The following IQGAP2 variants were observed in gnomAD, a reference collection of about 807,000 sequenced individuals.
IQGAP2 encodes ras GTPase-activating-like protein IQGAP2.
Under a neutral mutation model 201.3 loss-of-function variants are expected in IQGAP2, and 173 were observed. The ratio of observed to expected loss-of-function variants is 0.86; its 90% confidence interval spans 0.76 to 0.98. The LOEUF (loss-of-function observed/expected upper bound fraction) is 0.98. IQGAP2 is among the 50% of genes least tolerant of loss of function. IQGAP2 has a pLI of 0.00. For synonymous variants in IQGAP2, 675 were observed against 673.9 expected (o/e 1.00, Z -0.03); for missense variants, 1,687 against 1,864.8 (o/e 0.90, Z 1.76).
chr5:76,566,892 A>G (rs1744789322), intron 3 of IQGAP2, among the ~76,000 whole-genome samples: 1 of 151,858 alleles, frequency 6.6e-6, no homozygotes, highest in African/African-American at 2.4e-5. Context: ...AAGGGCCAGG[A>G]AGGTTTCCAT....
chr5:76,631,804 C>T, intron 14 of IQGAP2, 55 bp from the exon 15 acceptor site: 1 of 1,324,212 alleles, frequency 7.6e-7, no homozygotes. Flanking sequence ...ATTTGCATGC[C>T]TTGAAGTAAG....
At chr5:76,438,660 C>T (rs1206837400) in intron 1 of IQGAP2, among the ~76,000 whole-genome samples, 1 of 152,040 alleles carries the variant, frequency 6.6e-6, no homozygotes, top group Admixed American at 6.6e-5. Context: ...CCAGGATGGT[C>T]TCAAACTCCT....
At chr5:76,607,780 T>C (rs1747927597) in intron 12 of IQGAP2, 1 of 152,298 alleles carries the variant, frequency 6.6e-6, no homozygotes, top group Non-Finnish European at 1.5e-5. Context: ...TCCGTCTTAA[T>C]GCTCTGAATC....
chr5:76,705,981 G>A (rs1001786888), intron 35 of IQGAP2, among the ~76,000 whole-genome samples: 3 of 152,188 alleles, frequency 2.0e-5, no homozygotes, highest in African/African-American at 7.2e-5. Flanking sequence ...TTTATATGCT[G>A]GCAGTGAAAA....
chr5:76,497,886 T>C (rs928105532), intron 2 of IQGAP2, among the ~76,000 whole-genome samples: 2 of 152,226 alleles, frequency 1.3e-5, no homozygotes, highest in Non-Finnish European at 2.9e-5. Context: ...TTTTCTGCTG[T>C]ACACAGGTGT....
At chr5:76,688,215 A>G (rs551378118) in intron 30 of IQGAP2, among the ~76,000 whole-genome samples, 3 of 152,338 alleles carry the variant, frequency 2.0e-5, no homozygotes, top group African/African-American at 7.2e-5. Context: ...ATGCAGAGCA[A>G]TTGGGATGTG....
intron 13 of IQGAP2, among the ~76,000 whole-genome samples, chr5:76,624,893 G>C (rs1750077907): frequency 6.6e-6 from 1 of 152,226 alleles, no homozygotes; most frequent in Middle Eastern, 3.4e-3. Flanking sequence ...GACCAACATG[G>C]TGAAACCCCA....
At chr5:76,679,713 T>A (rs1745119501) in intron 28 of IQGAP2, among the ~76,000 whole-genome samples, 1 of 152,252 alleles carries the variant, frequency 6.6e-6, no homozygotes, top group African/African-American at 2.4e-5. Context: ...TATTTTGTTC[T>A]TGTCTCTTAA....
rs144372736 is a variant in IQGAP2, at chr5:76,539,996, A to G, written c.147-22400A>G. 4.6e-5 allele frequency among the ~76,000 whole-genome samples: 7 copies of G among 152,308 alleles called. No homozygotes were observed. In the East Asian group the frequency reaches 1.2e-3, roughly 25 times the overall value. On this transcript the variant is annotated intron_variant, in intron 2 of 35. Coordinates refer to ENST00000274364, the MANE Select transcript of IQGAP2 (RefSeq NM_006633.5). ...GTCGGATTTGATCAGTAGGCTTAAAATGTATTTCACCTTGGAAAGGTATGG... is the reference window on the plus strand; with the variant it reads ...GTCGGATTTGATCAGTAGGCTTAAAGTGTATTTCACCTTGGAAAGGTATGG...
At chr5:76,462,597 C>T (rs1754525465) in intron 2 of IQGAP2, among the ~76,000 whole-genome samples, 1 of 151,986 alleles carries the variant, frequency 6.6e-6, no homozygotes, top group Non-Finnish European at 1.5e-5. Context: ...AGTATTGTTC[C>T]CTGGACAAAG....
intron 2 of IQGAP2, among the ~76,000 whole-genome samples, chr5:76,473,783 T>A (rs1755257641): frequency 1.3e-5 from 2 of 152,270 alleles, no homozygotes; most frequent in Admixed American, 1.3e-4. Context: ...TTTGCCACTA[T>A]TATGACTGGT....
chr5:76,573,849 C>A (rs1250038102), intron 4 of IQGAP2, among the ~76,000 whole-genome samples: 1 of 151,318 alleles, frequency 6.6e-6, no homozygotes, highest in Non-Finnish European at 1.5e-5. Flanking sequence ...GTCTTGAACT[C>A]CTGACCTCAC....
At chr5:76,665,644 G>C (rs1470768698) in intron 22 of IQGAP2, among the ~76,000 whole-genome samples, 4 of 152,222 alleles carry the variant, frequency 2.6e-5, no homozygotes, top group Non-Finnish European at 5.9e-5. Context: ...GGAAGAGCCA[G>C]AGGGTTTGGG....
At chr5:76,654,912 G>A (rs764026217) in intron 19 of IQGAP2, 22 bp from the exon 20 acceptor site, 15 of 1,563,332 alleles carry the variant, frequency 9.6e-6, no homozygotes, top group Non-Finnish European at 1.1e-5. Flanking sequence ...GGGAGATCAA[G>A]ACTTGTCTTA....
chr5:76,468,453 A>G (rs190130337), intron 2 of IQGAP2, among the ~76,000 whole-genome samples: 3 of 152,160 alleles, frequency 2.0e-5, no homozygotes, highest in Admixed American at 2.0e-4. Flanking sequence ...CTCTCTGTAT[A>G]TGTGTATCAT....
intron 12 of IQGAP2, chr5:76,609,065 A>G: frequency 3.9e-6 from 6 of 1,519,280 alleles, no homozygotes; most frequent in Non-Finnish European, 5.3e-6. Context: ...GTAATCTTTC[A>G]GCTCCTATGA....
intron 2 of IQGAP2, among the ~76,000 whole-genome samples, chr5:76,466,013 T>A (rs1164954000): frequency 6.6e-6 from 1 of 152,108 alleles, no homozygotes; most frequent in Non-Finnish European, 1.5e-5. Flanking sequence ...TCTTTTTTTT[T>A]AAATGGAGAA....
rs202000738 is a variant in IQGAP2, at chr5:76,461,381, AT to A, written c.47-188del. ...AGTTCCTGTCTCAAAAAAAAAAAAA[AT>A]AAAAATAAAGGAAAAGAAATGATAT... On this transcript the variant is annotated intron_variant, in intron 1 of 35. Coordinates refer to ENST00000274364, the MANE Select transcript of IQGAP2 (RefSeq NM_006633.5). 5.3e-3 allele frequency among the ~76,000 whole-genome samples: 789 copies of A among 148,788 alleles called. 10 individuals carry two copies. Among genetic ancestry groups the A allele is most frequent in the Admixed American group, 8.6e-3 (128 of 14,856 alleles).
intron 1 of IQGAP2, among the ~76,000 whole-genome samples, chr5:76,411,121 G>T (rs1110177): frequency 0.015 from 2,267 of 152,278 alleles, 78 homozygotes; most frequent in African/African-American, 0.052. Context: ...CTGTGACGGG[G>T]TCTGCAGTCT....
Sources: gnomAD v4.1 joint callset for allele counts (sites outside exome capture counted in the v4.1 genomes callset) on GRCh38, gnomAD v4.1.1 for gene constraint, MANE v1.5 for transcripts, NCBI Gene and HGNC (gene_info 2026-07-23, HGNC 2026-07-21) for gene names.